The following PTPRQ variants were observed in gnomAD, a reference collection of about 807,000 sequenced individuals.
PTPRQ encodes the protein protein tyrosine phosphatase receptor type Q, also known as phosphatidylinositol phosphatase PTPRQ.
Under a neutral mutation model 246.0 loss-of-function variants are expected in PTPRQ, and 199 were observed. That is an observed-to-expected ratio of 0.81 (90% CI 0.72 to 0.91). The LOEUF (loss-of-function observed/expected upper bound fraction) is 0.91. PTPRQ is among the 40% of genes least tolerant of loss of function. PTPRQ has a pLI of 0.00. For missense variants in PTPRQ, 2,624 were observed against 2,528.4 expected (o/e 1.04, Z -0.81); for synonymous variants, 869 against 853.2 (o/e 1.02, Z -0.32).
chr12:80,497,393 A>G (rs1011622832), intron 14 of PTPRQ, among the ~76,000 whole-genome samples: 3 of 152,020 alleles, frequency 2.0e-5, no homozygotes, highest in Non-Finnish European at 4.4e-5. Flanking sequence ...TAATGTCGAC[A>G]CTGATCTGAC....
intron 43 of PTPRQ, among the ~76,000 whole-genome samples, chr12:80,675,901 C>G (rs1901121241): frequency 1.3e-5 from 2 of 152,090 alleles, no homozygotes; most frequent in Non-Finnish European, 2.9e-5. Context: ...AGCTATGTCT[C>G]TTTTGTAAAA....
chr12:80,566,755 G>A (rs1896991598), intron 25 of PTPRQ, among the ~76,000 whole-genome samples: 1 of 152,006 alleles, frequency 6.6e-6, no homozygotes, highest in Non-Finnish European at 1.5e-5. Context: ...GCCTAGGCTG[G>A]TCTCAAACCA....
chr12:80,621,618 A>G (rs572619961), intron 32 of PTPRQ, among the ~76,000 whole-genome samples: 4 of 152,192 alleles, frequency 2.6e-5, no homozygotes, highest in Admixed American at 2.6e-4. Context: ...TAATGTGTTT[A>G]TATGTGAACA....
intron 43 of PTPRQ, among the ~76,000 whole-genome samples, chr12:80,676,933 C>T (rs1272868708): frequency 6.6e-6 from 1 of 152,120 alleles, no homozygotes; most frequent in African/African-American, 2.4e-5. Flanking sequence ...AATTGTGCAT[C>T]AGAAGAGTTT....
chr12:80,502,868 G>T (rs542947243), intron 14 of PTPRQ, among the ~76,000 whole-genome samples: 5 of 151,840 alleles, frequency 3.3e-5, no homozygotes, highest in African/African-American at 9.7e-5. Flanking sequence ...GAATTATAGA[G>T]ATAAAGAAAT....
intron 26 of PTPRQ, among the ~76,000 whole-genome samples, chr12:80,604,538 A>G (rs1486772000): frequency 6.6e-6 from 1 of 151,612 alleles, no homozygotes; most frequent in Non-Finnish European, 1.5e-5. Context: ...ATAGATCAGA[A>G]CAATTGAATA....
intron 25 of PTPRQ, among the ~76,000 whole-genome samples, chr12:80,587,082 G>A (rs1054453588): frequency 2.6e-5 from 4 of 152,096 alleles, no homozygotes; most frequent in Admixed American, 2.0e-4. Flanking sequence ...TCCCCTGAAT[G>A]TAAATTTTCA....
At chr12:80,607,905 A>G (rs995167137) in intron 27 of PTPRQ, among the ~76,000 whole-genome samples, 8 of 150,888 alleles carry the variant, frequency 5.3e-5, no homozygotes, top group Non-Finnish European at 4.5e-5. Context: ...GATGAAAAAC[A>G]TAAAGCTCTG....
At chr12:80,637,589 T>C (rs1899704248) in intron 35 of PTPRQ, among the ~76,000 whole-genome samples, 1 of 152,220 alleles carries the variant, frequency 6.6e-6, no homozygotes, top group Non-Finnish European at 1.5e-5. Flanking sequence ...GCTGGACTTA[T>C]TACAGAAATG....
chr12:80,510,105 T>G (rs1439049303), intron 16 of PTPRQ, among the ~76,000 whole-genome samples: 1 of 152,096 alleles, frequency 6.6e-6, no homozygotes, highest in Non-Finnish European at 1.5e-5. Context: ...AATATTTTTT[T>G]CCATTGAATC....
chr12:80,547,805 A>G (rs1896352054), intron 24 of PTPRQ, among the ~76,000 whole-genome samples: 1 of 152,186 alleles, frequency 6.6e-6, no homozygotes, highest in South Asian at 2.1e-4. Context: ...AGTGTTGTAC[A>G]CACAGTAAAT....
chr12:80,539,620 A>G (rs1226155694), intron 19 of PTPRQ, among the ~76,000 whole-genome samples, 156 bp from the exon 20 acceptor site: 1 of 152,072 alleles, frequency 6.6e-6, no homozygotes, highest in African/African-American at 2.4e-5. Context: ...TTCCAGTTTA[A>G]TTGTTGCAAT....
At chr12:80,566,676 A>C (rs1302637959) in intron 25 of PTPRQ, among the ~76,000 whole-genome samples, 1 of 151,894 alleles carries the variant, frequency 6.6e-6, no homozygotes, top group South Asian at 2.1e-4. Flanking sequence ...AGTAGCTGGG[A>C]CTACAGGCAC....
chr12:80,548,742 T>C (rs1592641056), intron 24 of PTPRQ, among the ~76,000 whole-genome samples: 1 of 152,226 alleles, frequency 6.6e-6, no homozygotes, highest in African/African-American at 2.4e-5. Flanking sequence ...TTAGGGGACA[T>C]TGGCTAATTG....
intron 25 of PTPRQ, among the ~76,000 whole-genome samples, chr12:80,559,726 A>G (rs1198672355): frequency 6.6e-6 from 1 of 152,212 alleles, no homozygotes; most frequent in Non-Finnish European, 1.5e-5. Flanking sequence ...GTATAGATAT[A>G]CATTTGAATT....
chr12:80,581,678 C>A (rs1897440736), intron 25 of PTPRQ, among the ~76,000 whole-genome samples: 1 of 151,690 alleles, frequency 6.6e-6, no homozygotes, highest in Non-Finnish European at 1.5e-5. Context: ...AAACGATCAT[C>A]AGCAAAATAA....
intron 43 of PTPRQ, among the ~76,000 whole-genome samples, chr12:80,673,981 C>A (rs1901056189): frequency 6.6e-6 from 1 of 152,016 alleles, no homozygotes; most frequent in African/African-American, 2.4e-5. Flanking sequence ...AAATTAAATT[C>A]TTTATTTGTA....
rs149289370 is a variant in PTPRQ at position 80,622,043 on chromosome 12, TC to T, written c.5613-17del. On this transcript the variant is annotated splice_polypyrimidine_tract_variant and intron_variant, in intron 32 of 44. Coordinates refer to ENST00000644991, the MANE Select transcript of PTPRQ (RefSeq NM_001145026.2). ...ACATGATATGCAAAGTGTTGATTTT[TC>T]TTTTTTTATTTTATAGATTTAAATT... 0.047 allele frequency: 63,194 copies of T among 1,332,254 alleles called. 1,048 individuals are homozygous for T. Among genetic ancestry groups the T allele is most frequent in the East Asian group, 0.14 (4,659 of 33,770 alleles). The allele number at this position is 1,332,254 out of a possible 1,614,324, so 82.5% of individuals were successfully genotyped here. A position where few individuals can be genotyped will look rare whatever the true frequency, so the allele number is the denominator to read the frequency against.
At chr12:80,500,675 A>G (rs1444123204) in intron 14 of PTPRQ, among the ~76,000 whole-genome samples, 2 of 151,974 alleles carry the variant, frequency 1.3e-5, no homozygotes, top group Non-Finnish European at 2.9e-5. Context: ...GTTTTAATAT[A>G]TTCTGTATCA....
Sources: allele counts gnomAD v4.1 joint callset (sites outside exome capture counted in the v4.1 genomes callset), GRCh38; gene constraint gnomAD v4.1.1; transcripts MANE v1.5; gene names NCBI Gene and HGNC (gene_info 2026-07-23, HGNC 2026-07-21).